The following SETD7 variants were observed in gnomAD, a reference collection of about 807,000 sequenced individuals.
The protein encoded by SETD7 is histone-lysine N-methyltransferase SETD7.
SETD7 carries 16 observed loss-of-function variants against 41.8 expected under a neutral mutation model. The ratio of observed to expected loss-of-function variants is 0.38; its 90% confidence interval spans 0.26 to 0.58. SETD7 has a LOEUF of 0.58. Among genes scored for constraint, SETD7 ranks in the 20% least tolerant of loss-of-function variants. The probability of loss-of-function intolerance (pLI) is 0.64; values close to 1 mark genes in which losing one functional copy is unlikely to be tolerated. For missense variants in SETD7, 346 were observed against 459.7 expected (o/e 0.75, Z 2.26); for synonymous variants, 163 against 169.7 (o/e 0.96, Z 0.31).
chr4:139,547,071 G>A (rs1727979649), intron 1 of SETD7, 22 bp from the exon 2 acceptor site: 1 of 1,613,290 alleles, frequency 6.2e-7, no homozygotes, highest in Non-Finnish European at 8.5e-7. Flanking sequence ...GAACCACAAG[G>A]CAAACCTTAA....
At position 139,511,805 on chromosome 4, in the gene SETD7, C is replaced by G; in HGVS notation, c.959G>C (p.Arg320Pro). 6.2e-7 allele frequency: 1 copy of G among 1,613,794 alleles called. No individual in the cohort carries two copies. Among genetic ancestry groups the G allele is most frequent in the Non-Finnish European group, 8.5e-7 (1 of 1,179,888 alleles). ...ATCGGCCTCCACTGCTCTCAGGGTG[C>G]GGATGCATTTGATGGGCCCAAAACG... ...HPRFGPIKCI[R>P]TLRAVEADEE... The change falls in exon 8 of 8, where the codon CGC becomes CCC. Residue 320 changes from arginine to proline, a missense_variant. This residue lies in a region of SETD7 where 75 missense variants were observed against 65.5 expected (regional missense o/e 1.14). Transcript: ENST00000274031.
intron 4 of SETD7, among the ~76,000 whole-genome samples, chr4:139,527,185 T>C (rs906851178): frequency 2.0e-5 from 3 of 152,338 alleles, no homozygotes; most frequent in East Asian, 1.9e-4. Flanking sequence ...GGGAATACCA[T>C]AGACAACAGT....
Position 139,529,056 on chromosome 4 carries a change from C to T in SETD7, c.537G>A (p.Arg179=). The T allele has an allele frequency of 6.2e-7, 1 of 1,613,942 alleles. No homozygotes were observed. The highest frequency in any genetic ancestry group is 1.3e-5 in the African/African-American group (1 of 74,994). ...LATLMSTEEG[R]PHFELMPGNS... is the part of the protein sequence containing the mutation. Reference sequence around the variant, plus strand: ...TTCCAGGCATCAGTTCAAAGTGAGGCCTCCCTTCTTCAGTGGACATAAGGG... The same window carrying T: ...TTCCAGGCATCAGTTCAAAGTGAGGTCTCCCTTCTTCAGTGGACATAAGGG... The change falls in exon 4 of 8, where the codon AGG becomes AGA. Residue 179 remains arginine (R), a synonymous_variant. Transcript: ENST00000274031.
chr4:139,529,024 A>T lies in SETD7; in HGVS notation c.562+7T>A. 1 of 1,612,708 alleles carries T rather than the reference A, an allele frequency of 6.2e-7. No individual in the cohort carries two copies. Among genetic ancestry groups the T allele is most frequent in the Non-Finnish European group, 8.5e-7 (1 of 1,179,454 alleles). On this transcript the variant is annotated splice_region_variant and intron_variant, in intron 4 of 7. Transcript: ENST00000274031. ...GGAGCAACCCATCTGAAGCAGATTC[A>T]ACTTACTTCCAGGCATCAGTTCAAA... is the stretch of plus-strand genomic sequence containing the variant.
Position 139,556,166 on chromosome 4 carries a change from G to A in SETD7, c.-29C>T. ...GGCTGGGGACACTGCCCAGCTCGGG[G>A]CTGCGCGGCTGCCTCCCGTCCCTCT... is the stretch of plus-strand genomic sequence containing the variant. On this transcript the variant is annotated 5_prime_UTR_variant, in exon 1 of 8. Coordinates refer to ENST00000274031, the MANE Select transcript of SETD7 (RefSeq NM_030648.4). The A allele has an allele frequency of 2.5e-6, 4 of 1,584,512 alleles. No individual in the cohort carries two copies. Among genetic ancestry groups the A allele is most frequent in the Non-Finnish European group, 3.4e-6 (4 of 1,166,342 alleles).
At chr4:139,539,151 T>C (rs1727717815) in intron 2 of SETD7, among the ~76,000 whole-genome samples, 1 of 152,150 alleles carries the variant, frequency 6.6e-6, no homozygotes, top group African/African-American at 2.4e-5. Context: ...TTTTGGACCT[T>C]CCGCCTCCTG....
Position 139,510,839 on chromosome 4 carries a change from T to C in SETD7, c.*824A>G, listed in dbSNP as rs1726850773. The C allele has an allele frequency of 1.3e-5, 2 of 152,658 alleles. No homozygotes were observed. Among genetic ancestry groups the C allele is most frequent in the African/African-American group, 4.8e-5 (2 of 41,458 alleles). 9.5% of individuals were successfully genotyped at this position (152,658 alleles called of 1,614,324 possible). On this transcript the variant is annotated 3_prime_UTR_variant, in exon 8 of 8. Transcript: ENST00000274031. ...TTTTCTTCTCTTCTTTCTTAAAGTA[T>C]ATATTACAACTCTTCCATAACTTAA...
intron 2 of SETD7, chr4:139,546,666 GC>G (rs1727957204): frequency 2.1e-6 from 1 of 482,204 alleles, no homozygotes; most frequent in African/African-American, 2.0e-5. Flanking sequence ...CAAGATGGGG[GC>G]CCCCAAATCT....
intron 1 of SETD7, 92 bp from the exon 2 acceptor site, chr4:139,547,141 C>T: frequency 1.3e-6 from 2 of 1,490,522 alleles, no homozygotes; most frequent in Non-Finnish European, 1.8e-6. Flanking sequence ...GACAAGTCCC[C>T]CACCCAACTC....
At chr4:139,500,378 C>T (rs1241186632) in intron 7 of SETD7, among the ~76,000 whole-genome samples, 1 of 152,218 alleles carries the variant, frequency 6.6e-6, no homozygotes, top group Non-Finnish European at 1.5e-5. Context: ...GATCCTTTTA[C>T]ACGTGGGAGG....
intron 3 of SETD7, among the ~76,000 whole-genome samples, chr4:139,531,986 T>A (rs942442941): frequency 2.0e-5 from 3 of 151,962 alleles, no homozygotes; most frequent in Non-Finnish European, 4.4e-5. Flanking sequence ...CCCAGCTACT[T>A]GGGAGGCTGA....
rs1413763865 is a variant in SETD7, at chr4:139,507,631, C to T, written c.*4032G>A. On this transcript the variant is annotated 3_prime_UTR_variant, in exon 8 of 8. Coordinates refer to ENST00000274031, the MANE Select transcript of SETD7 (RefSeq NM_030648.4). ...AAATTTGTGAAAAGGGTTCCCACCC[C>T]TGTGGTTGTATGGCTTGAAATAGTT... 6.6e-6 allele frequency: 1 copy of T among 152,568 alleles called. No homozygotes were observed. Among genetic ancestry groups the T allele is most frequent in the Non-Finnish European group, 1.5e-5 (1 of 68,032 alleles). 9.5% of individuals were successfully genotyped at this position (152,568 alleles called of 1,614,324 possible).
chr4:139,501,236 C>A (rs1456959854), downstream of SETD7, among the ~76,000 whole-genome samples: 3 of 152,140 alleles, frequency 2.0e-5, no homozygotes, highest in Non-Finnish European at 4.4e-5. Context: ...TTGCTAATGG[C>A]CCAGAAGAGG....
rs1056599800 is a variant in SETD7 at position 139,510,722 on chromosome 4, A to C, written c.*941T>G. 51 of 152,642 alleles carry C rather than the reference A, an allele frequency of 3.3e-4. No individual in the cohort carries two copies. The highest frequency in any genetic ancestry group is 1.2e-3 in the African/African-American group (50 of 41,582). The allele number at this position is 152,642 out of a possible 1,614,324, so 9.5% of individuals were successfully genotyped here. ...GCCACAAGCCTGACCGCGCTATGTT[A>C]TGTACATTTAATGTGTACTCAAGGA... On this transcript the variant is annotated 3_prime_UTR_variant, in exon 8 of 8. Transcript: ENST00000274031.
intron 7 of SETD7, among the ~76,000 whole-genome samples, chr4:139,514,545 C>T (rs1192093087): frequency 6.6e-6 from 1 of 152,110 alleles, no homozygotes; most frequent in Non-Finnish European, 1.5e-5. Flanking sequence ...CCCAAAGGCA[C>T]AGTGGTTAAG....
At chr4:139,537,033 C>T (rs976935924) in intron 2 of SETD7, among the ~76,000 whole-genome samples, 1 of 152,012 alleles carries the variant, frequency 6.6e-6, no homozygotes, top group African/African-American at 2.4e-5. Flanking sequence ...TGGAGTGCAA[C>T]GGCACAATCT....
At chr4:139,500,840 A>G (rs1216139839) in intron 7 of SETD7, among the ~76,000 whole-genome samples, 1 of 152,032 alleles carries the variant, frequency 6.6e-6, no homozygotes, top group Non-Finnish European at 1.5e-5. Context: ...TGAGTTTAAA[A>G]CAAAGTCCTT....
At chr4:139,493,934 C>A (rs1726402767), downstream of SETD7, among the ~76,000 whole-genome samples, 1 of 152,144 alleles carries the variant, frequency 6.6e-6, no homozygotes. Context: ...ACTTCTTGTA[C>A]ATAACTTTTC....
Position 139,551,299 on chromosome 4 carries a change from A to G in SETD7, c.41-4250T>C, listed in dbSNP as rs556282381. On this transcript the variant is annotated intron_variant, in intron 1 of 7. Coordinates refer to ENST00000274031, the MANE Select transcript of SETD7 (RefSeq NM_030648.4). Reference sequence around the variant, plus strand: ...ATACCAGGCCCAAGCAACAGGGAAAATTAACTTGAATGACTGCTCTGTGTT... The same window carrying G: ...ATACCAGGCCCAAGCAACAGGGAAAGTTAACTTGAATGACTGCTCTGTGTT... Among the ~76,000 whole-genome samples the G allele has an allele frequency of 1.4e-4, 22 of 152,356 alleles. No homozygotes were observed. The South Asian group carries it at 2.5e-3, about 17-fold the overall frequency.
Sources: gnomAD v4.1 joint callset for allele counts (sites outside exome capture counted in the v4.1 genomes callset) on GRCh38, gnomAD v4.1.1 for gene constraint, gnomAD v4.1.1 regional missense constraint, MANE v1.5 for transcripts, NCBI Gene and HGNC (gene_info 2026-07-23, HGNC 2026-07-21) for gene names.